The following PTPRG variants were observed in gnomAD, a reference collection of about 807,000 sequenced individuals.
PTPRG encodes protein tyrosine phosphatase receptor type G, also known as receptor-type tyrosine-protein phosphatase gamma.
In PTPRG, 102 loss-of-function variants were observed where a neutral mutation model predicts 165.3. The observed-to-expected ratio is 0.62, with a 90% confidence interval of 0.53 to 0.73. PTPRG has a LOEUF of 0.73. Among genes scored for constraint, PTPRG ranks in the 30% least tolerant of loss-of-function variants. The probability of loss-of-function intolerance (pLI) is 0.00; values close to 1 mark genes in which losing one functional copy is unlikely to be tolerated. For missense variants in PTPRG, 1,866 were observed against 1,861.4 expected (o/e 1.00, Z -0.05); for synonymous variants, 675 against 669.5 (o/e 1.01, Z -0.13).
intron 4 of PTPRG, among the ~76,000 whole-genome samples, chr3:62,041,252 CAG>C (rs574913181): frequency 5.6e-4 from 85 of 151,812 alleles, no homozygotes; most frequent in Non-Finnish European, 9.8e-4. Context: ...AGCCATGCTT[CAG>C]AGAAGGATTG....
Position 61,725,870 on chromosome 3 carries a change from C to T in PTPRG, c.86-23008C>T, listed in dbSNP as rs527766206. 5.3e-5 allele frequency among the ~76,000 whole-genome samples: 8 copies of T among 152,232 alleles called. 1 individual carries two copies. In the South Asian group the frequency reaches 1.5e-3, roughly 28 times the overall value. Reference sequence around the variant, plus strand: ...CATCTGTTTTATTCCTTTCTGGATTCCAATTTTAAGTCAGATCGAGAGAAC... The same window carrying T: ...CATCTGTTTTATTCCTTTCTGGATTTCAATTTTAAGTCAGATCGAGAGAAC... On this transcript the variant is annotated intron_variant, in intron 1 of 29. Coordinates refer to ENST00000474889, the MANE Select transcript of PTPRG (RefSeq NM_002841.4).
chr3:61,592,340 G>A (rs1369169163), intron 1 of PTPRG, among the ~76,000 whole-genome samples: 1 of 152,042 alleles, frequency 6.6e-6, no homozygotes, highest in East Asian at 1.9e-4. Flanking sequence ...AGGATAAGAC[G>A]TGTTCCCGCC....
chr3:62,274,953 A>G (rs1195221487), intron 23 of PTPRG, among the ~76,000 whole-genome samples: 1 of 152,142 alleles, frequency 6.6e-6, no homozygotes, highest in East Asian at 1.9e-4. Context: ...AAATGCGACC[A>G]GGTAGTTGGT....
intron 3 of PTPRG, among the ~76,000 whole-genome samples, chr3:61,991,742 AGGCTGTCAAAGACAATCACTG>A (rs2040895844): frequency 6.6e-6 from 1 of 152,232 alleles, no homozygotes; most frequent in African/African-American, 2.4e-5. Context: ...ACATTCTGGA[AGGCTGTCAAAGACAATCACTG>A]GGCTCTCTGA....
intron 1 of PTPRG, among the ~76,000 whole-genome samples, chr3:61,647,078 A>C (rs187639612): frequency 8.5e-5 from 13 of 152,310 alleles, no homozygotes; most frequent in Non-Finnish European, 1.8e-4. Flanking sequence ...ATTTGTGTAC[A>C]TAGTTTTTGA....
At chr3:61,658,041 ATGTT>A (rs1199255487) in intron 1 of PTPRG, among the ~76,000 whole-genome samples, 1 of 152,124 alleles carries the variant, frequency 6.6e-6, no homozygotes, top group Admixed American at 6.5e-5. Flanking sequence ...CTCCATGAAA[ATGTT>A]TGGGAAGTAT....
At chr3:62,142,787 A>G (rs1158458398) in intron 6 of PTPRG, among the ~76,000 whole-genome samples, 1 of 152,216 alleles carries the variant, frequency 6.6e-6, no homozygotes, top group Non-Finnish European at 1.5e-5. Context: ...TCAGAAACAA[A>G]GGGGATGGGT....
At chr3:62,033,361 ATTTTT>A (rs199968064) in intron 4 of PTPRG, among the ~76,000 whole-genome samples, 18,674 of 124,226 alleles carry the variant, frequency 0.15, 1,351 homozygotes, top group Admixed American at 0.24. Flanking sequence ...CTCCCTATAC[ATTTTT>A]TTTTTTTTTT....
At position 61,601,242 on chromosome 3, in the gene PTPRG, G is replaced by A. The variant is rs145188577; in HGVS notation, c.85+38870G>A. 6.0e-3 allele frequency among the ~76,000 whole-genome samples: 917 copies of A among 152,212 alleles called. 11 individuals are homozygous for A. Among genetic ancestry groups the A allele is most frequent in the African/African-American group, 0.02 (835 of 41,540 alleles). On this transcript the variant is annotated intron_variant, in intron 1 of 29. Coordinates refer to ENST00000474889, the MANE Select transcript of PTPRG (RefSeq NM_002841.4). The stretch of plus-strand genomic sequence containing the variant: ...CGGCACTCCAGCCTGGGTGACAGAC[G>A]GGGACTCTGTCTCAAAAAGCAAAAC...
intron 2 of PTPRG, among the ~76,000 whole-genome samples, chr3:61,887,977 A>G (rs2107490827): frequency 6.6e-6 from 1 of 152,322 alleles, no homozygotes; most frequent in African/African-American, 2.4e-5. Context: ...AGTAAGTCCA[A>G]GTAAAAAAAC....
chr3:62,191,584 C>T lies in PTPRG; in HGVS notation c.1149C>T (p.Ile383=), dbSNP rs770407382. Residue 383 remains isoleucine (I), a synonymous_variant, in exon 9 of 30, where the codon ATC becomes ATT. Transcript: ENST00000474889. ...ACCCACCCATCATGAACTACATGAT[C>T]TCCTACAGCTGGACCAAGAATGAGG... The part of the protein sequence containing the change: ...IYHPPIMNYM[I]SYSWTKNEDE... 6.2e-7 allele frequency: 1 copy of T among 1,614,118 alleles called. No individual in the cohort carries two copies. Among genetic ancestry groups the T allele is most frequent in the Admixed American group, 1.7e-5 (1 of 60,034 alleles).
intron 1 of PTPRG, among the ~76,000 whole-genome samples, chr3:61,651,776 G>A (rs778128230): frequency 5.3e-5 from 8 of 152,188 alleles, no homozygotes; most frequent in Non-Finnish European, 1.0e-4. Context: ...TTGGGAGGCC[G>A]AGGTAGGTGG....
chr3:62,211,520 A>AT (rs1042387629), intron 12 of PTPRG, among the ~76,000 whole-genome samples: 20 of 151,636 alleles, frequency 1.3e-4, no homozygotes, highest in African/African-American at 2.4e-4. Flanking sequence ...TTTTTCCACT[A>AT]TTTTTTTTTA....
intron 4 of PTPRG, among the ~76,000 whole-genome samples, chr3:62,063,677 AT>A: frequency 6.6e-6 from 1 of 152,200 alleles, no homozygotes; most frequent in African/African-American, 2.4e-5. Context: ...ATTTATTTAT[AT>A]TTTTTGTAGA....
chr3:62,262,919 T>C (rs753214678), intron 17 of PTPRG, 25 bp downstream of exon 17: 1 of 1,533,410 alleles, frequency 6.5e-7, no homozygotes, highest in South Asian at 1.1e-5. Context: ...TTAAACTACC[T>C]TCAACTGCGA....
At chr3:61,800,216 T>A (rs778311651) in intron 2 of PTPRG, among the ~76,000 whole-genome samples, 3 of 152,138 alleles carry the variant, frequency 2.0e-5, no homozygotes, top group Non-Finnish European at 4.4e-5. Flanking sequence ...GGTTTTAAGC[T>A]GATTTGGTAT....
At chr3:61,789,388 A>T (rs1341997323) in intron 2 of PTPRG, among the ~76,000 whole-genome samples, 1 of 152,242 alleles carries the variant, frequency 6.6e-6, no homozygotes, top group East Asian at 1.9e-4. Flanking sequence ...GATTACAGGC[A>T]TGAGCTACTG....
At chr3:61,881,182 C>A (rs991720409) in intron 2 of PTPRG, among the ~76,000 whole-genome samples, 4 of 152,084 alleles carry the variant, frequency 2.6e-5, no homozygotes, top group Non-Finnish European at 4.4e-5. Flanking sequence ...GGGGCTTGCT[C>A]TCTAAAAACA....
chr3:61,643,383 T>G (rs1702117523), intron 1 of PTPRG, among the ~76,000 whole-genome samples: 1 of 152,158 alleles, frequency 6.6e-6, no homozygotes, highest in African/African-American at 2.4e-5. Flanking sequence ...ACTAGTAAAA[T>G]CTGGGCATTT....
Sources: allele counts gnomAD v4.1 joint callset (sites outside exome capture counted in the v4.1 genomes callset), GRCh38; gene constraint gnomAD v4.1.1; transcripts MANE v1.5; gene names NCBI Gene and HGNC (gene_info 2026-07-23, HGNC 2026-07-21).